The following KLHL32 variants were observed in gnomAD, a reference collection of about 807,000 sequenced individuals.
The protein encoded by KLHL32 is kelch like family member 32.
KLHL32 carries 35 observed loss-of-function variants against 64.8 expected under a neutral mutation model. The ratio of observed to expected loss-of-function variants is 0.54; its 90% confidence interval spans 0.41 to 0.72. The LOEUF is 0.72. KLHL32 is among the 30% of genes least tolerant of loss of function. KLHL32 has a pLI of 0.00. For synonymous variants in KLHL32, 259 were observed against 281.0 expected (o/e 0.92, Z 0.78); for missense variants, 589 against 768.5 (o/e 0.77, Z 2.76).
chr6:97,085,304 A>T lies in KLHL32; in HGVS notation c.590A>T (p.Asp197Val), dbSNP rs1265829964. 6.2e-7 allele frequency: 1 copy of T among 1,613,008 alleles called. No individual in the cohort carries two copies. The change falls in exon 6 of 11, where the codon GAC becomes GTC. Residue 197 changes from aspartate to valine, a missense_variant. By Grantham distance (152) the Asp-to-Val change is radical. This residue lies in a region of KLHL32 where 226 missense variants were observed against 353.2 expected (regional missense o/e 0.64). Coordinates refer to ENST00000369261, the MANE Select transcript of KLHL32 (RefSeq NM_052904.4). ...CTGCTTCAGGAGGTGCTGAAGAGCGACCGCCTGACCTCCCTGAGTGAAGAG... is the reference window on the plus strand; with the variant it reads ...CTGCTTCAGGAGGTGCTGAAGAGCGTCCGCCTGACCTCCCTGAGTGAAGAG... Reference protein sequence around the residue: ...YCLLQEVLKSDRLTSLSEEQI... With the variant: ...YCLLQEVLKSVRLTSLSEEQI...
chr6:96,911,114 G>A, the KLHL32 span, among the ~76,000 whole-genome samples: 1 of 152,126 alleles, frequency 6.6e-6, no homozygotes, highest in African/African-American at 2.4e-5. Context: ...AAACTGGGGG[G>A]TTTAAACAAC....
At chr6:96,995,658 G>A (rs188287937) in intron 3 of KLHL32, among the ~76,000 whole-genome samples, 2 of 152,090 alleles carry the variant, frequency 1.3e-5, no homozygotes, top group East Asian at 3.8e-4. Flanking sequence ...TCTCAGCTTT[G>A]CTAGTGACCA....
Position 97,018,544 on chromosome 6 carries a change from C to T in KLHL32, c.205-22948C>T, listed in dbSNP as rs575547394. On this transcript the variant is annotated intron_variant, in intron 3 of 10. Transcript: ENST00000369261. ...TGAACCAGGGAGGCAGAGGTTGCAG[C>T]GAGCCGAGATCACACCACTGTGCTC... Among the ~76,000 whole-genome samples the T allele has an allele frequency of 1.3e-3, 191 of 149,378 alleles. 2 individuals carry two copies. Among genetic ancestry groups the T allele is most frequent in the African/African-American group, 3.6e-3 (144 of 40,498 alleles).
At chr6:97,000,023 CT>C (rs1416869715) in intron 3 of KLHL32, among the ~76,000 whole-genome samples, 1 of 152,046 alleles carries the variant, frequency 6.6e-6, no homozygotes, top group African/African-American at 2.4e-5. Flanking sequence ...CTAAAGGATG[CT>C]TTTACTTGGG....
chr6:96,982,861 C>A (rs4602723), intron 3 of KLHL32, among the ~76,000 whole-genome samples: 120,118 of 150,046 alleles, frequency 0.8, 45,117 homozygotes, highest in African/African-American at 0.9. Context: ...TTCTAATTGA[C>A]TACCCTTTAT....
chr6:97,130,989 C>T (rs1799381577), intron 9 of KLHL32, 40 bp downstream of exon 9: 1 of 1,566,464 alleles, frequency 6.4e-7, no homozygotes, highest in Admixed American at 1.7e-5. Context: ...AAAGTAGATT[C>T]AAGAAGTCAC....
chr6:96,930,668 A>AC (rs1769757820), intron 1 of KLHL32, among the ~76,000 whole-genome samples: 2 of 151,878 alleles, frequency 1.3e-5, no homozygotes, highest in Non-Finnish European at 2.9e-5. Context: ...GAGCAGAGCT[A>AC]CCCTCATTAT....
intron 4 of KLHL32, among the ~76,000 whole-genome samples, chr6:97,055,286 T>C (rs2128140504): frequency 6.6e-6 from 1 of 152,308 alleles, no homozygotes; most frequent in Middle Eastern, 3.4e-3. Flanking sequence ...TTCATCATCT[T>C]ACCATCAAAT....
chr6:96,926,590 AGTT>A (rs772702928), intron 1 of KLHL32, among the ~76,000 whole-genome samples: 35 of 152,256 alleles, frequency 2.3e-4, no homozygotes, highest in Non-Finnish European at 4.4e-4. Flanking sequence ...TTTAAAAAAA[AGTT>A]GTGTGTGCGT....
chr6:97,057,867 A>G (rs1788267076), intron 4 of KLHL32, among the ~76,000 whole-genome samples: 1 of 152,134 alleles, frequency 6.6e-6, no homozygotes, highest in African/African-American at 2.4e-5. Flanking sequence ...AGAGTTTTCT[A>G]GTTTTGCATT....
chr6:96,969,709 A>C (rs1262866723), intron 2 of KLHL32, among the ~76,000 whole-genome samples: 1 of 152,106 alleles, frequency 6.6e-6, no homozygotes, highest in African/African-American at 2.4e-5. Context: ...CTTATCTTTC[A>C]TATCTTCTCA....
intron 1 of KLHL32, among the ~76,000 whole-genome samples, chr6:96,931,418 G>A (rs777870850): frequency 6.6e-6 from 1 of 152,150 alleles, no homozygotes; most frequent in Non-Finnish European, 1.5e-5. Context: ...TACCACATAG[G>A]AAGTTAGCCT....
At chr6:96,970,886 C>A (rs1445267986) in intron 2 of KLHL32, among the ~76,000 whole-genome samples, 2 of 152,082 alleles carry the variant, frequency 1.3e-5, no homozygotes, top group South Asian at 2.1e-4. Flanking sequence ...TATCCTGCTA[C>A]CTTAAATATA....
At chr6:97,134,758 A>AGG (rs1799807222) in intron 10 of KLHL32, among the ~76,000 whole-genome samples, 1 of 152,220 alleles carries the variant, frequency 6.6e-6, no homozygotes, top group African/African-American at 2.4e-5. Flanking sequence ...TGTACGTATC[A>AGG]AGTTTAGGAG....
intron 1 of KLHL32, among the ~76,000 whole-genome samples, chr6:96,954,745 A>G (rs1037726921): frequency 6.6e-6 from 1 of 152,184 alleles, no homozygotes; most frequent in Non-Finnish European, 1.5e-5. Flanking sequence ...CAGAGAGCAA[A>G]TATCCATTCT....
chr6:97,114,290 G>T lies in KLHL32; in HGVS notation c.1135G>T (p.Ala379Ser), dbSNP rs1189012332. 6.2e-7 allele frequency: 1 copy of T among 1,614,162 alleles called. No homozygotes were observed. Among genetic ancestry groups the T allele is most frequent in the Non-Finnish European group, 8.5e-7 (1 of 1,180,038 alleles). Residue 379 changes from alanine to serine, a missense_variant, in exon 7 of 11, where the codon GCA (alanine) becomes TCA (serine). Ala to Ser is a moderately conservative substitution (Grantham distance 99). Coordinates refer to ENST00000369261, the MANE Select transcript of KLHL32 (RefSeq NM_052904.4). Reference protein sequence around the residue: ...CRYDPRSNSWAEIAPMKNCRE... With the variant: ...CRYDPRSNSWSEIAPMKNCRE... ...CTATGACCCCCGCAGTAATTCCTGG[G>T]CAGAGATAGCACCCATGAAAAACTG...
intron 4 of KLHL32, among the ~76,000 whole-genome samples, chr6:97,063,819 A>G (rs934143140): frequency 3.9e-5 from 6 of 152,162 alleles, no homozygotes; most frequent in African/African-American, 1.4e-4. Flanking sequence ...ATGGGTTAGA[A>G]TGGAGGGCTG....
At chr6:97,039,025 G>A (rs1784707311) in intron 3 of KLHL32, among the ~76,000 whole-genome samples, 1 of 151,170 alleles carries the variant, frequency 6.6e-6, no homozygotes. Flanking sequence ...AGGAGGCGGA[G>A]GTTGCAGTGA....
At chr6:97,096,412 G>C (rs2128190897) in intron 6 of KLHL32, among the ~76,000 whole-genome samples, 1 of 152,282 alleles carries the variant, frequency 6.6e-6, no homozygotes, top group South Asian at 2.1e-4. Context: ...CAGCATTAAA[G>C]AAAATAGAAA....
Sources: allele counts gnomAD v4.1 joint callset (sites outside exome capture counted in the v4.1 genomes callset), GRCh38; gene constraint gnomAD v4.1.1; regional missense constraint gnomAD v4.1.1; transcripts MANE v1.5; gene names NCBI Gene and HGNC (gene_info 2026-07-23, HGNC 2026-07-21).